The following DHX29 variants were observed in gnomAD, a reference collection of about 807,000 sequenced individuals.
DHX29 encodes DExH-box helicase 29.
DHX29 carries 79 observed loss-of-function variants against 167.9 expected under a neutral mutation model. The observed-to-expected ratio is 0.47, with a 90% confidence interval of 0.39 to 0.57. The LOEUF (loss-of-function observed/expected upper bound fraction) is 0.57, where lower values mean the gene tolerates loss of function less well. DHX29 is among the 20% of genes least tolerant of loss of function. The pLI, the probability that DHX29 is intolerant of heterozygous loss-of-function variation, is 0.00. For missense variants in DHX29, 1,347 were observed against 1,593.4 expected, an observed-to-expected ratio of 0.85 and a Z score of 2.63; for synonymous variants, 530 against 546.0, an observed-to-expected ratio of 0.97 and a Z score of 0.41.
At chr5:55,301,933 A>G (rs1048846444) in intron 1 of DHX29, among the ~76,000 whole-genome samples, 12 of 152,192 alleles carry the variant, frequency 7.9e-5, no homozygotes, top group African/African-American at 2.9e-4. Flanking sequence ...TTTTAAAAGA[A>G]CAAAAGTTTT....
chr5:55,300,857 G>C (rs1748561120), intron 1 of DHX29, among the ~76,000 whole-genome samples: 1 of 152,142 alleles, frequency 6.6e-6, no homozygotes. Context: ...CAGACTGCTG[G>C]ATGGCTTCAC....
intron 1 of DHX29, 39 bp from the exon 2 acceptor site, chr5:55,298,703 A>T (rs1165646529): frequency 2.0e-6 from 2 of 986,724 alleles, no homozygotes; most frequent in East Asian, 4.9e-5. Context: ...AATGATTAAT[A>T]TCTATTACAT....
chr5:55,290,347 G>T lies in DHX29; in HGVS notation c.781-3C>A. Reference sequence around the variant, plus strand: ...GCAAGATGTAAGTACCTTTCATTCTGTTCCAAATAAAACAATGAGGAGGGG... The same window carrying T: ...GCAAGATGTAAGTACCTTTCATTCTTTTCCAAATAAAACAATGAGGAGGGG... On this transcript the variant is annotated splice_region_variant and splice_polypyrimidine_tract_variant and intron_variant, in intron 6 of 26. Transcript: ENST00000251636. 2 of 1,581,132 alleles carry T rather than the reference G, an allele frequency of 1.3e-6. No homozygotes were observed. Among genetic ancestry groups the T allele is most frequent in the South Asian group, 1.2e-5 (1 of 84,564 alleles).
intron 23 of DHX29, among the ~76,000 whole-genome samples, chr5:55,266,611 G>A (rs945442073): frequency 1.3e-5 from 2 of 148,464 alleles, no homozygotes; most frequent in African/African-American, 5.0e-5. Flanking sequence ...TTATGAAATT[G>A]TGTTGCATCT....
intron 14 of DHX29, 40 bp downstream of exon 14, chr5:55,276,226 A>T (rs750548136): frequency 6.7e-7 from 1 of 1,501,060 alleles, no homozygotes; most frequent in Non-Finnish European, 8.9e-7. Context: ...TAGGCCCTGG[A>T]TATCATTATC....
chr5:55,290,375 A>G, intron 6 of DHX29, 31 bp from the exon 7 acceptor site: 1 of 1,554,146 alleles, frequency 6.4e-7, no homozygotes, highest in South Asian at 1.2e-5. Flanking sequence ...AGGAGGGGGA[A>G]AAAAAAAGAA....
intron 6 of DHX29, among the ~76,000 whole-genome samples, chr5:55,291,208 A>C (rs962945578): frequency 2.4e-4 from 37 of 152,344 alleles, no homozygotes; most frequent in Non-Finnish European, 1.2e-4. Flanking sequence ...AAGAGTTTAA[A>C]GTTAAACTCA....
intron 12 of DHX29, among the ~76,000 whole-genome samples, chr5:55,277,778 C>T (rs1034519912): frequency 6.6e-6 from 1 of 151,778 alleles, no homozygotes; most frequent in Non-Finnish European, 1.5e-5. Context: ...TGGTGGTGTG[C>T]ACCTGTAATC....
Position 55,269,589 on chromosome 5 carries a change from G to A in DHX29, c.3118C>T (p.Pro1040Ser), listed in dbSNP as rs745938680. The change falls in exon 21 of 27, where the codon CCT becomes TCT. Residue 1040 changes from proline (P) to serine (S), a missense_variant. Pro to Ser is a moderately conservative substitution (Grantham distance 74). Transcript: ENST00000251636. ...TTGCTGATCACTTGGAGCTGAGGAG[G>A]ATCTAAGGCTTTGGAGAGGAAATCT... The part of the protein sequence containing the change: ...PEDFLSKALD[P>S]PQLQVISNAM... The A allele has an allele frequency of 6.2e-7, 1 of 1,614,082 alleles. No individual in the cohort carries two copies. The highest frequency in any genetic ancestry group is 8.5e-7 in the Non-Finnish European group (1 of 1,180,008).
chr5:55,272,138 G>C lies in DHX29; in HGVS notation c.2813C>G (p.Thr938Ser). 6.3e-7 allele frequency: 1 copy of C among 1,582,780 alleles called. No homozygotes were observed. Among genetic ancestry groups the C allele is most frequent in the African/African-American group, 1.4e-5 (1 of 73,020 alleles). ...AATTACAAATACAACATCAGGAATA[G>C]TGATACCCGTCTCTGCAATATTGGT... ...LATNIAETGI[T>S]IPDVVFVIDT... The change falls in exon 18 of 27, where the codon ACT (threonine) becomes AGT (serine). Residue 938 changes from threonine (T) to serine (S), a missense_variant. By Grantham distance (58) the Thr-to-Ser change is moderately conservative (BLOSUM62 1). Transcript: ENST00000251636.
chr5:55,285,825 T>A lies in DHX29; in HGVS notation c.1103A>T (p.Asp368Val), dbSNP rs1394781180. 1.9e-6 allele frequency: 3 copies of A among 1,588,716 alleles called. No homozygotes were observed. In the East Asian group the frequency reaches 6.8e-5, roughly 36 times the overall value. The part of the protein sequence containing the change: ...KKEPHDVRNF[D>V]YTARSWTGKS... ...TCCAGTCCAACTTCGAGCAGTATAGTCAAAATTTCTTACATCATGAGGTTC... is the reference window on the plus strand; with the variant it reads ...TCCAGTCCAACTTCGAGCAGTATAGACAAAATTTCTTACATCATGAGGTTC... The change falls in exon 9 of 27, where the codon GAC becomes GTC. Residue 368 changes from aspartate to valine, a missense_variant. This residue lies in a region of DHX29 where 60 missense variants were observed against 94.2 expected (regional missense o/e 0.64). Coordinates refer to ENST00000251636, the MANE Select transcript of DHX29 (RefSeq NM_019030.4).
chr5:55,264,344 G>A (rs759322288), intron 23 of DHX29, among the ~76,000 whole-genome samples: 3 of 152,044 alleles, frequency 2.0e-5, no homozygotes, highest in East Asian at 1.9e-4. Context: ...TCTGGTTTCC[G>A]TTCCTAAGAA....
At chr5:55,256,689 T>G (rs1668345922) in intron 26 of DHX29, 149 bp from the exon 27 acceptor site, 1 of 569,880 alleles carries the variant, frequency 1.8e-6, no homozygotes, top group Admixed American at 3.9e-5. Flanking sequence ...GAGACACCTA[T>G]AAAATATTTT....
chr5:55,294,402 C>A (rs1198195365), intron 5 of DHX29, among the ~76,000 whole-genome samples: 1 of 152,180 alleles, frequency 6.6e-6, no homozygotes, highest in Non-Finnish European at 1.5e-5. Context: ...TGGCTGGGTG[C>A]GGTGGCTCAC....
At chr5:55,283,028 G>A (rs1457584300) in intron 11 of DHX29, 175 bp downstream of exon 11, 1 of 550,576 alleles carries the variant, frequency 1.8e-6, no homozygotes, top group Non-Finnish European at 3.0e-6. Flanking sequence ...CTTCTCATAG[G>A]ACAGTGGCAT....
At chr5:55,277,010 T>C (rs1747147436) in intron 13 of DHX29, 96 bp downstream of exon 13, 2 of 805,084 alleles carry the variant, frequency 2.5e-6, no homozygotes, top group Non-Finnish European at 4.0e-6. Flanking sequence ...TACCTAGGAA[T>C]AGTTCTGGCC....
At position 55,272,113 on chromosome 5, in the gene DHX29, A is replaced by G. The variant is rs1746881400; in HGVS notation, c.2838T>C (p.Ile946=). 3.2e-6 allele frequency: 5 copies of G among 1,582,046 alleles called. No individual in the cohort carries two copies. Among genetic ancestry groups the G allele is most frequent in the Non-Finnish European group, 3.4e-6 (4 of 1,165,290 alleles). ...GITIPDVVFV[I]DTGRTKENKY... ...TATTTTCTTTTGTTCTTCCAGTATC[A>G]ATTACAAATACAACATCAGGAATAG... The change falls in exon 18 of 27, where the codon ATT becomes ATC. Residue 946 remains isoleucine, a synonymous_variant. Transcript: ENST00000251636.
chr5:55,298,843 A>C (rs895076885), intron 1 of DHX29, among the ~76,000 whole-genome samples, 179 bp from the exon 2 acceptor site: 2 of 151,044 alleles, frequency 1.3e-5, no homozygotes, highest in Non-Finnish European at 2.9e-5. Context: ...ATCCTGGCTA[A>C]CAAGGTGAAA....
At chr5:55,257,213 AG>A (rs1334871008) in intron 26 of DHX29, among the ~76,000 whole-genome samples, 1 of 152,202 alleles carries the variant, frequency 6.6e-6, no homozygotes, top group African/African-American at 2.4e-5. Context: ...TGACTTCCTA[AG>A]AACCTCACAA....
Sources: allele counts gnomAD v4.1 joint callset (sites outside exome capture counted in the v4.1 genomes callset), GRCh38; gene constraint gnomAD v4.1.1; regional missense constraint gnomAD v4.1.1; transcripts MANE v1.5; gene names NCBI Gene and HGNC (gene_info 2026-07-23, HGNC 2026-07-21).